The following CNTNAP2 variants were observed in gnomAD, a reference collection of about 807,000 sequenced individuals.
The protein encoded by CNTNAP2 is contactin-associated protein-like 2.
In CNTNAP2, 98 loss-of-function variants were observed where a neutral mutation model predicts 155.2. That is an observed-to-expected ratio of 0.63 (90% CI 0.54 to 0.75). The LOEUF (loss-of-function observed/expected upper bound fraction) is 0.75, where lower values mean the gene tolerates loss of function less well. Among genes scored for constraint, CNTNAP2 ranks in the 30% least tolerant of loss-of-function variants. CNTNAP2 has a pLI of 0.00. For missense variants in CNTNAP2, 1,727 were observed against 1,688.1 expected (o/e 1.02, Z -0.40); for synonymous variants, 651 against 631.2 (o/e 1.03, Z -0.47).
chr7:146,812,744 C>A (rs1377742941), intron 2 of CNTNAP2, among the ~76,000 whole-genome samples: 1 of 152,132 alleles, frequency 6.6e-6, no homozygotes. Flanking sequence ...GAAAATATAT[C>A]TAGAACATGT....
intron 9 of CNTNAP2, among the ~76,000 whole-genome samples, chr7:147,322,246 T>G (rs1366892736): frequency 6.6e-5 from 10 of 152,178 alleles, no homozygotes; most frequent in Non-Finnish European, 1.3e-4. Context: ...CCACATATAG[T>G]TGCAAGGGAT....
intron 4 of CNTNAP2, among the ~76,000 whole-genome samples, chr7:147,073,836 G>T (rs2191272): frequency 0.71 from 108,583 of 151,938 alleles, 38,822 homozygotes; most frequent in African/African-American, 0.75. Context: ...TTTATGGAAG[G>T]GACGGAAATT....
intron 1 of CNTNAP2, among the ~76,000 whole-genome samples, chr7:146,158,651 A>G (rs1293792705): frequency 6.6e-6 from 1 of 152,206 alleles, no homozygotes; most frequent in African/African-American, 2.4e-5. Context: ...CAGTGATTGA[A>G]GATCAAATGA....
chr7:146,759,051 GACTT>G (rs768482434), intron 1 of CNTNAP2, among the ~76,000 whole-genome samples: 3 of 152,148 alleles, frequency 2.0e-5, no homozygotes, highest in South Asian at 2.1e-4. Context: ...GTGTTGAAAT[GACTT>G]ACTTTTTGTT....
chr7:146,459,357 G>T (rs1796603890), intron 1 of CNTNAP2, among the ~76,000 whole-genome samples: 1 of 152,118 alleles, frequency 6.6e-6, no homozygotes, highest in South Asian at 2.1e-4. Context: ...TATTAGCTCA[G>T]CAGGTATTAC....
At chr7:146,678,527 G>A (rs979672882) in intron 1 of CNTNAP2, among the ~76,000 whole-genome samples, 15 of 152,032 alleles carry the variant, frequency 9.9e-5, no homozygotes, top group African/African-American at 2.7e-4. Context: ...TTACACTGTC[G>A]AAAATTTGCA....
chr7:146,371,895 G>T (rs1045115553), intron 1 of CNTNAP2, among the ~76,000 whole-genome samples: 1 of 150,818 alleles, frequency 6.6e-6, no homozygotes, highest in Non-Finnish European at 1.5e-5. Context: ...GGATGGGGAG[G>T]TTGCAGTAAG....
chr7:147,368,751 A>T (rs928286160), intron 9 of CNTNAP2, among the ~76,000 whole-genome samples: 1 of 152,212 alleles, frequency 6.6e-6, no homozygotes, highest in African/African-American at 2.4e-5. Context: ...TGCCAATCAC[A>T]TCTTTCTAAA....
intron 1 of CNTNAP2, among the ~76,000 whole-genome samples, chr7:146,273,666 T>A (rs1379621561): frequency 6.6e-6 from 1 of 152,180 alleles, no homozygotes; most frequent in African/African-American, 2.4e-5. Flanking sequence ...TGCCTGATTA[T>A]CATTATATAT....
At chr7:146,992,980 G>A (rs1019082851) in intron 3 of CNTNAP2, among the ~76,000 whole-genome samples, 9 of 152,082 alleles carry the variant, frequency 5.9e-5, no homozygotes, top group Admixed American at 1.3e-4. Flanking sequence ...GATGCCATGC[G>A]GTTACCAGCA....
At chr7:148,129,112 G>A (rs555771823) in intron 16 of CNTNAP2, among the ~76,000 whole-genome samples, 12 of 152,188 alleles carry the variant, frequency 7.9e-5, no homozygotes, top group Admixed American at 2.0e-4. Context: ...CTTGTCCCTC[G>A]GCTGGGGCTC....
intron 3 of CNTNAP2, among the ~76,000 whole-genome samples, chr7:146,879,971 G>C (rs532255308): frequency 1.3e-5 from 2 of 151,788 alleles, no homozygotes; most frequent in African/African-American, 2.4e-5. Flanking sequence ...AAGTGAAAGG[G>C]GTTTCCCTTT....
At chr7:146,892,955 T>C (rs1387338971) in intron 3 of CNTNAP2, among the ~76,000 whole-genome samples, 3 of 152,186 alleles carry the variant, frequency 2.0e-5, no homozygotes, top group Non-Finnish European at 4.4e-5. Flanking sequence ...AGACAACTCA[T>C]GTTTTTGTAA....
At chr7:146,339,954 A>T (rs10255602) in intron 1 of CNTNAP2, among the ~76,000 whole-genome samples, 1 of 151,856 alleles carries the variant, frequency 6.6e-6, no homozygotes, top group African/African-American at 2.4e-5. Flanking sequence ...GCGGATCACG[A>T]GGTCAGGAGA....
intron 8 of CNTNAP2, among the ~76,000 whole-genome samples, chr7:147,282,595 A>G (rs1805068168): frequency 6.6e-6 from 1 of 151,904 alleles, no homozygotes; most frequent in African/African-American, 2.4e-5. Flanking sequence ...GAGAAAATTT[A>G]AATACAGGGA....
intron 11 of CNTNAP2, among the ~76,000 whole-genome samples, chr7:147,529,415 T>C (rs1366053083): frequency 2.0e-5 from 3 of 152,200 alleles, no homozygotes; most frequent in African/African-American, 4.8e-5. Context: ...ACTCTCTCTG[T>C]AGAAGCGCCT....
chr7:147,526,151 C>A (rs1222508881), intron 11 of CNTNAP2, among the ~76,000 whole-genome samples: 1 of 148,828 alleles, frequency 6.7e-6, no homozygotes, highest in African/African-American at 2.5e-5. Context: ...GAGATCACCC[C>A]ACTGCACTCC....
chr7:148,056,444 A>G (rs1485368982), intron 15 of CNTNAP2: 2 of 152,204 alleles, frequency 1.3e-5, no homozygotes, highest in African/African-American at 2.4e-5. Flanking sequence ...TGGTATCAAG[A>G]TTACATTTTT....
chr7:146,335,639 T>C (rs1300664022), intron 1 of CNTNAP2, among the ~76,000 whole-genome samples: 2 of 152,168 alleles, frequency 1.3e-5, no homozygotes, highest in Non-Finnish European at 2.9e-5. Context: ...TAAAACCCTT[T>C]TCCATCCTTC....
Sources: allele counts gnomAD v4.1 joint callset (sites outside exome capture counted in the v4.1 genomes callset), GRCh38; gene constraint gnomAD v4.1.1; transcripts MANE v1.5; gene names NCBI Gene and HGNC (gene_info 2026-07-23, HGNC 2026-07-21).